The following MYO7A variants were observed in gnomAD, a reference collection of about 807,000 sequenced individuals.
MYO7A encodes unconventional myosin-VIIa.
In MYO7A, 210 loss-of-function variants were observed where a neutral mutation model predicts 263.8. The observed-to-expected ratio is 0.80, with a 90% CI of 0.71 to 0.89. MYO7A has a LOEUF of 0.89. Among genes scored for constraint, MYO7A ranks in the 40% least tolerant of loss-of-function variants. MYO7A has a pLI of 0.00. For synonymous variants in MYO7A, 1,239 were observed against 1,197.3 expected, an observed-to-expected ratio of 1.03 and a Z score of -0.72; for missense variants, 2,820 against 2,968.3, an observed-to-expected ratio of 0.95 and a Z score of 1.16.
chr11:77,157,204 T>C lies in MYO7A; in HGVS notation c.736-75T>C, dbSNP rs1952558159. The C allele has an allele frequency of 4.3e-6, 6 of 1,388,336 alleles. No homozygotes were observed. The East Asian group carries it at 9.8e-5, about 23-fold the overall frequency. 86.0% of individuals were successfully genotyped at this position (1,388,336 alleles called of 1,614,324 possible). A position where few individuals can be genotyped will look rare whatever the true frequency, so the allele number is the denominator to read the frequency against. ...AGCCATTTGTTAAAATAGTAAACCA[T>C]CATCCCAGGCTAGTTCCTGATGGCC... On this transcript the variant is annotated intron_variant, in intron 7 of 48. Transcript: ENST00000409709.
intron 33 of MYO7A, 124 bp from the exon 34 acceptor site, chr11:77,198,371 C>A: frequency 2.3e-6 from 3 of 1,296,604 alleles, no homozygotes; most frequent in Admixed American, 2.4e-5. Context: ...GCTCTCTGAG[C>A]CTCAGTTTCC....
Position 77,184,671 on chromosome 11 carries a change from G to A in MYO7A, c.3459G>A (p.Lys1153=). The A allele has an allele frequency of 6.3e-7, 1 of 1,597,446 alleles. No homozygotes were observed. The highest frequency in any genetic ancestry group is 1.1e-5 in the South Asian group (1 of 88,604). The change falls in exon 27 of 49, where the codon AAG becomes AAA. Residue 1153 remains lysine, a synonymous_variant. Coordinates refer to ENST00000409709, the MANE Select transcript of MYO7A (RefSeq NM_000260.4). ...LEDRPTSNLE[K]LHFIIGNGIL... Reference sequence around the variant, plus strand: ...ACCGGCCCACCTCCAACCTGGAGAAGCTGCACTTCATCATCGGCAATGGCA... The same window carrying A: ...ACCGGCCCACCTCCAACCTGGAGAAACTGCACTTCATCATCGGCAATGGCA...
At position 77,140,310 on chromosome 11, in the gene MYO7A, A is replaced by G. The variant is rs74602628; in HGVS notation, c.19-2399A>G. Among the ~76,000 whole-genome samples, 1,328 of 152,188 alleles carry G rather than the reference A, an allele frequency of 8.7e-3. 29 individuals are homozygous for G. The highest frequency in any genetic ancestry group is 0.03 in the African/African-American group (1,265 of 41,524). ...AGCCATCTGGGCGGGGGAGGACTCTATCAGTGTTTCCTGTTTTGCTCAGTG... is the reference window on the plus strand; with the variant it reads ...AGCCATCTGGGCGGGGGAGGACTCTGTCAGTGTTTCCTGTTTTGCTCAGTG... On this transcript the variant is annotated intron_variant, in intron 2 of 48. Coordinates refer to ENST00000409709, the MANE Select transcript of MYO7A (RefSeq NM_000260.4).
Position 77,172,850 on chromosome 11 carries a change from C to T in MYO7A, c.1900C>T (p.Arg634Ter), listed in dbSNP as rs111033180. ...GGGTGCCTGCCAGCCCTTCTTTGTG[C>T]GATGCATCAAGCCCAATGAGTTCAA... The part of the protein sequence containing the change: ...TLGACQPFFV[R>*]CIKPNEFKKP... The change falls in exon 16 of 49, where the codon CGA becomes TGA. Residue 634 changes from arginine to a stop codon, truncating the protein, a stop_gained. Transcript: ENST00000409709. LOFTEE classifies it high-confidence loss of function. 12 of 1,552,046 alleles carry T rather than the reference C, an allele frequency of 7.7e-6. No individual in the cohort carries two copies. Among genetic ancestry groups the T allele is most frequent in the South Asian group, 1.2e-5 (1 of 84,070 alleles).
chr11:77,170,532 A>G (rs1555075301), intron 15 of MYO7A, among the ~76,000 whole-genome samples: 1 of 152,064 alleles, frequency 6.6e-6, no homozygotes, highest in Non-Finnish European at 1.5e-5. Context: ...TGGGGAAAGG[A>G]TGTGATTTTG....
chr11:77,134,608 C>T (rs1950858260), intron 2 of MYO7A, among the ~76,000 whole-genome samples: 1 of 152,098 alleles, frequency 6.6e-6, no homozygotes, highest in Non-Finnish European at 1.5e-5. Context: ...GCTGGGAGTA[C>T]AGGCGCCTAT....
Position 77,160,208 on chromosome 11 carries a change from A to G in MYO7A, c.1126A>G (p.Ile376Val), listed in dbSNP as rs368716988. 3.1e-4 allele frequency: 486 copies of G among 1,580,772 alleles called. No individual in the cohort carries two copies. Among genetic ancestry groups the G allele is most frequent in the Non-Finnish European group, 4.0e-4 (464 of 1,164,026 alleles). ...GAGCTGCCTGACTAGCCGCACCCTC[A>G]TCACCCGCGGGGAGACGGTGTCCAC... ...LMSCLTSRTL[I>V]TRGETVSTPL... The change falls in exon 11 of 49, where the codon ATC becomes GTC. Residue 376 changes from isoleucine to valine, a missense_variant. By Grantham distance (29) the Ile-to-Val change is conservative. Transcript: ENST00000409709.
chr11:77,189,984 C>T (rs777503367), intron 28 of MYO7A, 36 bp from the exon 29 acceptor site: 2 of 1,487,690 alleles, frequency 1.3e-6, no homozygotes, highest in Middle Eastern at 2.4e-4. Context: ...ACATGGGGAG[C>T]CCCAGGGGCC....
chr11:77,143,174 G>C (rs1385695471), intron 3 of MYO7A, among the ~76,000 whole-genome samples: 2 of 152,222 alleles, frequency 1.3e-5, no homozygotes, highest in Non-Finnish European at 2.9e-5. Flanking sequence ...TCGTCCATTT[G>C]TTAGCTGCGC....
chr11:77,199,938 AGGTTTATTT>A, intron 35 of MYO7A, 120 bp downstream of exon 35: 1 of 1,129,698 alleles, frequency 8.9e-7, no homozygotes, highest in Non-Finnish European at 1.2e-6. Flanking sequence ...TGAAGAAAAG[AGGTTTATTT>A]GGCTCACAGT....
chr11:77,213,059 T>TG, intron 47 of MYO7A, 24 bp downstream of exon 47: 1 of 1,548,330 alleles, frequency 6.5e-7, no homozygotes, highest in African/African-American at 1.4e-5. Flanking sequence ...AGGCAGCAAG[T>TG]GGGGGCGGGC....
At chr11:77,203,571 A>G (rs1591477041) in intron 38 of MYO7A, among the ~76,000 whole-genome samples, 1 of 152,182 alleles carries the variant, frequency 6.6e-6, no homozygotes, top group Non-Finnish European at 1.5e-5. Context: ...GAGGGGGCAG[A>G]GAGGACTTCC....
rs781335672 is a variant in MYO7A, at chr11:77,202,342, C to T, written c.5086C>T (p.Arg1696Trp). 1.3e-5 allele frequency: 20 copies of T among 1,580,318 alleles called. No homozygotes were observed. The highest frequency in any genetic ancestry group is 9.0e-5 in the Admixed American group (5 of 55,522). ...TCCCGATCAGAGGCAGGACGTTGTCCGGCTCTTGCAGCTGCGAACGGCGGA... is the reference window on the plus strand; with the variant it reads ...TCCCGATCAGAGGCAGGACGTTGTCTGGCTCTTGCAGCTGCGAACGGCGGA... ...MTPDQRQDVV[R>W]LLQLRTAEPE... is the part of the protein sequence containing the mutation. Residue 1696 changes from arginine to tryptophan, a missense_variant, in exon 37 of 49, where the codon CGG (arginine) becomes TGG (tryptophan). Physicochemically the swap from Arg to Trp is moderately radical, Grantham distance 101. Transcript: ENST00000409709.
chr11:77,133,050 T>C (rs1950811877), intron 2 of MYO7A, among the ~76,000 whole-genome samples: 1 of 152,070 alleles, frequency 6.6e-6, no homozygotes. Context: ...CCCAGACCTA[T>C]GTGGGGAGAC....
At chr11:77,134,190 C>T (rs905071108) in intron 2 of MYO7A, among the ~76,000 whole-genome samples, 4 of 152,126 alleles carry the variant, frequency 2.6e-5, no homozygotes, top group Admixed American at 6.5e-5. Context: ...CTCAGCCTCC[C>T]AAACTGCTGG....
intron 44 of MYO7A, among the ~76,000 whole-genome samples, chr11:77,209,848 C>G (rs533044215): frequency 6.6e-6 from 1 of 152,280 alleles, no homozygotes; most frequent in African/African-American, 2.4e-5. Context: ...TCCCCTTGCT[C>G]GTAGGGCATA....
At position 77,142,668 on chromosome 11, in the gene MYO7A, C is replaced by T. The variant is rs1344886062; in HGVS notation, c.19-41C>T. ...GCTGCCTGGAAGGGGCTCCAATCCC[C>T]CTCCCTGCTCACCTGGGCTGAGACT... On this transcript the variant is annotated intron_variant, in intron 2 of 48. Coordinates refer to ENST00000409709, the MANE Select transcript of MYO7A (RefSeq NM_000260.4). The T allele has an allele frequency of 3.9e-6, 6 of 1,543,000 alleles. No individual in the cohort carries two copies. The Admixed American group carries it at 1.1e-4, about 29-fold the overall frequency.
chr11:77,166,356 G>A (rs1378769502), intron 15 of MYO7A, among the ~76,000 whole-genome samples, 194 bp downstream of exon 15: 2 of 152,208 alleles, frequency 1.3e-5, no homozygotes, highest in African/African-American at 4.8e-5. Context: ...TGTACTAACT[G>A]GGGATATGGC....
chr11:77,187,283 C>T (rs1261422644), intron 27 of MYO7A, among the ~76,000 whole-genome samples: 2 of 152,160 alleles, frequency 1.3e-5, no homozygotes, highest in East Asian at 1.9e-4. Context: ...AGACTTGCTC[C>T]ATGCAGAGTC....
Sources: allele counts gnomAD v4.1 joint callset (sites outside exome capture counted in the v4.1 genomes callset), GRCh38; gene constraint gnomAD v4.1.1; transcripts MANE v1.5; gene names NCBI Gene and HGNC (gene_info 2026-07-23, HGNC 2026-07-21).